BCAR3: variants seen among roughly 807,000 people sequenced by gnomAD.
The protein encoded by BCAR3 is breast cancer anti-estrogen resistance protein 3.
BCAR3 carries 37 observed loss-of-function variants against 80.1 expected under a neutral mutation model. That is an observed-to-expected ratio of 0.46 (90% CI 0.36 to 0.61). The LOEUF (loss-of-function observed/expected upper bound fraction) is 0.61, where lower values mean the gene tolerates loss of function less well. Ranked by LOEUF, BCAR3 falls within the 20% of genes least tolerant of loss-of-function variation. The pLI is 0.00. For synonymous variants in BCAR3, 389 were observed against 418.9 expected, an observed-to-expected ratio of 0.93 and a Z score of 0.87; for missense variants, 978 against 1,068.2, an observed-to-expected ratio of 0.92 and a Z score of 1.18.
At chr1:93,668,500 A>T (rs1352981330) in intron 2 of BCAR3, among the ~76,000 whole-genome samples, 1 of 152,194 alleles carries the variant, frequency 6.6e-6, no homozygotes, top group East Asian at 1.9e-4. Flanking sequence ...CTCGGAATGC[A>T]CTAAACCATT....
chr1:93,711,014 A>G (rs1650000896), intron 2 of BCAR3, among the ~76,000 whole-genome samples: 1 of 151,400 alleles, frequency 6.6e-6, no homozygotes, highest in South Asian at 2.1e-4. Flanking sequence ...GTTCCTTACC[A>G]TATGACCCCT....
chr1:93,584,020 A>T lies in BCAR3; in HGVS notation c.1031T>A (p.Ile344Asn). The change falls in exon 6 of 12, where the codon ATT becomes AAT. Residue 344 changes from isoleucine (I) to asparagine (N), a missense_variant and splice_region_variant. Ile to Asn is a moderately radical substitution (Grantham distance 149). Transcript: ENST00000260502. The stretch of plus-strand genomic sequence containing the variant: ...CCTGAAAATTCCCCGAAACATACCA[A>T]TCGGCAGGTAGCTCTCTGACTGGTG... ...KAHQSESYLP[I>N]GCKLPPQSSG... 1 of 1,613,536 alleles carries T rather than the reference A, an allele frequency of 6.2e-7. No individual in the cohort carries two copies. The highest frequency in any genetic ancestry group is 8.5e-7 in the Non-Finnish European group (1 of 1,179,680).
At chr1:93,661,823 C>G (rs144423197) in intron 2 of BCAR3, among the ~76,000 whole-genome samples, 2 of 152,182 alleles carry the variant, frequency 1.3e-5, no homozygotes, top group African/African-American at 2.4e-5. Context: ...TATAAAACTT[C>G]TAGATGTGCG....
chr1:93,660,863 C>T (rs1647615133), intron 2 of BCAR3, among the ~76,000 whole-genome samples: 1 of 152,020 alleles, frequency 6.6e-6, no homozygotes, highest in African/African-American at 2.4e-5. Context: ...TACAGGCGCC[C>T]GCCACCATGC....
chr1:93,739,141 G>A (rs879768014), intron 2 of BCAR3, among the ~76,000 whole-genome samples: 2 of 152,130 alleles, frequency 1.3e-5, no homozygotes, highest in African/African-American at 4.8e-5. Flanking sequence ...CGGTACAACT[G>A]GGAAATAAAC....
At chr1:93,591,646 A>T (rs1458263713) in intron 4 of BCAR3, among the ~76,000 whole-genome samples, 1 of 152,196 alleles carries the variant, frequency 6.6e-6, no homozygotes, top group Non-Finnish European at 1.5e-5. Flanking sequence ...CAATTTTTAC[A>T]GTATTAAATG....
intron 9 of BCAR3, among the ~76,000 whole-genome samples, chr1:93,569,748 G>A (rs920427445): frequency 1.4e-4 from 21 of 151,832 alleles, no homozygotes; most frequent in Non-Finnish European, 2.8e-4. Context: ...GGCTGACACT[G>A]TTAGAAGGCA....
At chr1:93,790,799 C>G (rs1653125416) in intron 2 of BCAR3, among the ~76,000 whole-genome samples, 1 of 87,966 alleles carries the variant, frequency 1.1e-5, no homozygotes, top group Non-Finnish European at 2.1e-5. Context: ...GCTATCCCTC[C>G]CCCCTCCCCC....
chr1:93,779,057 G>T (rs912319807), intron 2 of BCAR3, among the ~76,000 whole-genome samples: 2 of 152,120 alleles, frequency 1.3e-5, no homozygotes, highest in South Asian at 4.1e-4. Context: ...GAGGCAAGAT[G>T]GGAGGAGGAG....
intron 3 of BCAR3, among the ~76,000 whole-genome samples, chr1:93,604,315 C>T (rs1465775423): frequency 6.6e-6 from 1 of 152,166 alleles, no homozygotes. Flanking sequence ...TAAGAGATTT[C>T]CTTTTATTCA....
rs146231530 is a variant in BCAR3 at position 93,668,594 on chromosome 1, C to G, written c.317+6020G>C. ...TAAACTTATAAAAACATCAATTCAA[C>G]CCATGGACTATTACTTTTCAGAAAC... On this transcript the variant is annotated intron_variant, in intron 2 of 11. Coordinates refer to ENST00000260502, the MANE Select transcript of BCAR3 (RefSeq NM_003567.4). Among the ~76,000 whole-genome samples, 323 of 152,334 alleles carry G rather than the reference C, an allele frequency of 2.1e-3. 2 individuals are homozygous for G. Among genetic ancestry groups the G allele is most frequent in the African/African-American group, 7.4e-3 (308 of 41,580 alleles).
At chr1:93,564,153 C>CTATT (rs762094804) in intron 11 of BCAR3, among the ~76,000 whole-genome samples, 4 of 151,984 alleles carry the variant, frequency 2.6e-5, no homozygotes, top group Non-Finnish European at 4.4e-5. Flanking sequence ...AAATTTTTGT[C>CTATT]TATTTAAATT....
intron 2 of BCAR3, among the ~76,000 whole-genome samples, chr1:93,833,662 G>A (rs999893376): frequency 6.6e-6 from 1 of 152,186 alleles, no homozygotes; most frequent in African/African-American, 2.4e-5. Context: ...AGAGAAATAT[G>A]ACTCTGTTCT....
At chr1:93,673,164 A>C (rs778642251) in intron 2 of BCAR3, among the ~76,000 whole-genome samples, 2 of 152,126 alleles carry the variant, frequency 1.3e-5, no homozygotes, top group Non-Finnish European at 2.9e-5. Flanking sequence ...ATATCACTCC[A>C]TTTCCTCTAT....
intron 3 of BCAR3, among the ~76,000 whole-genome samples, chr1:93,614,861 C>G (rs903771860): frequency 1.6e-4 from 24 of 152,144 alleles, no homozygotes; most frequent in African/African-American, 5.8e-4. Flanking sequence ...GCACACAAAC[C>G]TCGCATCCAA....
At chr1:93,631,680 G>A (rs191543112) in intron 3 of BCAR3, among the ~76,000 whole-genome samples, 1 of 152,334 alleles carries the variant, frequency 6.6e-6, no homozygotes, top group Admixed American at 6.5e-5. Context: ...CGGGATCTCA[G>A]AAGAATCCTT....
At chr1:93,804,224 C>T (rs1262757057) in intron 2 of BCAR3, among the ~76,000 whole-genome samples, 20 of 152,146 alleles carry the variant, frequency 1.3e-4, no homozygotes, top group Admixed American at 1.2e-3. Context: ...AGCTTTAATT[C>T]GTAGGCCTAG....
At chr1:93,642,435 C>T in intron 2 of BCAR3, 92 bp from the exon 3 acceptor site, 1 of 1,254,118 alleles carries the variant, frequency 8.0e-7, no homozygotes, top group South Asian at 1.2e-5. Context: ...ACCCTATTCA[C>T]TAAGTTACTA....
intron 3 of BCAR3, among the ~76,000 whole-genome samples, chr1:93,689,839 C>T (rs1649109230): frequency 6.6e-6 from 1 of 152,146 alleles, no homozygotes; most frequent in South Asian, 2.1e-4. Flanking sequence ...GAACAGAAAG[C>T]ATTTATGCTT....
Sources: gnomAD v4.1 joint callset for allele counts (sites outside exome capture counted in the v4.1 genomes callset) on GRCh38, gnomAD v4.1.1 for gene constraint, MANE v1.5 for transcripts, NCBI Gene and HGNC (gene_info 2026-07-23, HGNC 2026-07-21) for gene names.